Variants in SIL1 observed in about 807,000 individuals in gnomAD.
The protein encoded by SIL1 is nucleotide exchange factor SIL1.
A neutral mutation model predicts 49.1 loss-of-function variants in SIL1; 40 were observed. The ratio of observed to expected loss-of-function variants is 0.81; its 90% CI spans 0.63 to 1.06. SIL1 has a LOEUF of 1.06. Ranked by LOEUF, SIL1 falls within the 50% of genes least tolerant of loss-of-function variation. The pLI is 0.00. For missense variants in SIL1, 500 were observed against 572.6 expected, an observed-to-expected ratio of 0.87 and a Z score of 1.29; for synonymous variants, 253 against 250.8, an observed-to-expected ratio of 1.01 and a Z score of -0.08.
chr5:139,067,213 T>A (rs1406853689), intron 3 of SIL1, among the ~76,000 whole-genome samples: 2 of 152,218 alleles, frequency 1.3e-5, no homozygotes, highest in South Asian at 2.1e-4. Flanking sequence ...TTCTTATTTT[T>A]AAATGTATTT....
chr5:139,176,543 A>G (rs537166534), intron 1 of SIL1, among the ~76,000 whole-genome samples: 1 of 152,362 alleles, frequency 6.6e-6, no homozygotes, highest in South Asian at 2.1e-4. Context: ...TAATTTATAT[A>G]TAACAGAAAT....
intron 1 of SIL1, among the ~76,000 whole-genome samples, chr5:139,168,996 C>T (rs1454849557): frequency 6.6e-6 from 1 of 150,966 alleles, no homozygotes; most frequent in Non-Finnish European, 1.5e-5. Context: ...AAGGCAACTA[C>T]ATAAGCCTGT....
chr5:139,120,984 T>A, intron 3 of SIL1, 51 bp downstream of exon 3: 3 of 1,611,360 alleles, frequency 1.9e-6, no homozygotes, highest in Non-Finnish European at 2.5e-6. Context: ...AAAGGACATA[T>A]GCAGTTTGAA....
intron 3 of SIL1, among the ~76,000 whole-genome samples, chr5:139,102,498 AAAAGAGAG>A (rs1561862852): frequency 1.6e-5 from 1 of 63,448 alleles, no homozygotes; most frequent in Non-Finnish European, 4.3e-5. Flanking sequence ...AAAAAAAAAA[AAAAGAGAG>A]AGAGAGAGAG....
At chr5:139,067,083 A>G (rs1404249163) in intron 3 of SIL1, among the ~76,000 whole-genome samples, 1 of 152,228 alleles carries the variant, frequency 6.6e-6, no homozygotes, top group Non-Finnish European at 1.5e-5. Context: ...CATTGTGTAT[A>G]TGTTCTAAAA....
intron 7 of SIL1, among the ~76,000 whole-genome samples, chr5:138,972,220 G>A (rs138695733): frequency 2.6e-5 from 4 of 152,308 alleles, no homozygotes; most frequent in East Asian, 1.9e-4. Context: ...CCTGGGGCCC[G>A]CCGAAAGCAG....
At chr5:139,090,012 T>A (rs62381237) in intron 3 of SIL1, among the ~76,000 whole-genome samples, 2 of 152,070 alleles carry the variant, frequency 1.3e-5, no homozygotes, top group African/African-American at 4.8e-5. Context: ...CTAGACCTCT[T>A]CTGGGTAGCA....
At chr5:139,005,099 A>G (rs1768080304) in intron 7 of SIL1, among the ~76,000 whole-genome samples, 1 of 152,214 alleles carries the variant, frequency 6.6e-6, no homozygotes, top group South Asian at 2.1e-4. Flanking sequence ...AATACATTGC[A>G]TTCCTGAAAA....
chr5:139,194,535 G>C (rs1481967068), intron 1 of SIL1, among the ~76,000 whole-genome samples: 1 of 152,204 alleles, frequency 6.6e-6, no homozygotes, highest in Non-Finnish European at 1.5e-5. Context: ...TGCAGTTTAA[G>C]GCCGACTCAG....
chr5:139,138,963 G>C (rs1378240946), intron 1 of SIL1, among the ~76,000 whole-genome samples: 4 of 152,172 alleles, frequency 2.6e-5, no homozygotes, highest in African/African-American at 7.2e-5. Flanking sequence ...AGCGATGCTG[G>C]CTGGCTCTGC....
chr5:138,984,794 C>A (rs1020400505), intron 7 of SIL1, among the ~76,000 whole-genome samples: 2 of 152,148 alleles, frequency 1.3e-5, no homozygotes, highest in African/African-American at 2.4e-5. Flanking sequence ...CTCTTGAGGG[C>A]CCAAGCTAGG....
intron 7 of SIL1, among the ~76,000 whole-genome samples, chr5:138,995,173 G>A (rs1721912843): frequency 1.3e-5 from 2 of 151,990 alleles, no homozygotes; most frequent in South Asian, 4.1e-4. Flanking sequence ...TGGGATACAT[G>A]TGCTATTTAT....
At chr5:139,188,608 C>A (rs1752116310) in intron 1 of SIL1, among the ~76,000 whole-genome samples, 1 of 152,178 alleles carries the variant, frequency 6.6e-6, no homozygotes, top group Non-Finnish European at 1.5e-5. Flanking sequence ...TCAACTTGAG[C>A]ACAAAATCTG....
chr5:139,100,735 A>G (rs1770568925), intron 3 of SIL1, among the ~76,000 whole-genome samples: 1 of 152,150 alleles, frequency 6.6e-6, no homozygotes, highest in Non-Finnish European at 1.5e-5. Flanking sequence ...GTCTTAGAGA[A>G]AGAAAGGGGT....
chr5:139,120,276 G>T lies in SIL1; in HGVS notation c.244+759C>A, dbSNP rs1750597061. Reference sequence around the variant, plus strand: ...CTCCAGCCAAGGACAGCTAGGACTGGGAAGAAGTGGGAAGAGAGTAGGCCC... The same window carrying T: ...CTCCAGCCAAGGACAGCTAGGACTGTGAAGAAGTGGGAAGAGAGTAGGCCC... On this transcript the variant is annotated intron_variant, in intron 3 of 9. Transcript: ENST00000394817. 3.9e-5 allele frequency among the ~76,000 whole-genome samples: 6 copies of T among 152,336 alleles called. No homozygotes were observed. In the South Asian group the frequency reaches 1.2e-3, roughly 32 times the overall value.
At chr5:139,138,683 T>A (rs934561739) in intron 1 of SIL1, among the ~76,000 whole-genome samples, 1 of 152,212 alleles carries the variant, frequency 6.6e-6, no homozygotes, top group Non-Finnish European at 1.5e-5. Context: ...ACTGTCTATA[T>A]TAAATGAGAT....
intron 3 of SIL1, among the ~76,000 whole-genome samples, chr5:139,063,139 G>A (rs1482475066): frequency 2.0e-5 from 3 of 152,212 alleles, no homozygotes; most frequent in African/African-American, 7.2e-5. Flanking sequence ...AATAAACCCT[G>A]ACCCAGAGGA....
intron 3 of SIL1, among the ~76,000 whole-genome samples, chr5:139,073,369 A>G (rs1185335332): frequency 2.0e-5 from 3 of 152,232 alleles, no homozygotes; most frequent in African/African-American, 7.2e-5. Flanking sequence ...AAAATAAGGA[A>G]ATCCTGTCAT....
At chr5:139,031,237 G>T (rs977693431) in intron 5 of SIL1, among the ~76,000 whole-genome samples, 4 of 151,756 alleles carry the variant, frequency 2.6e-5, no homozygotes, top group African/African-American at 9.7e-5. Context: ...CATTCTAGAA[G>T]ATTTTTTTTT....
Sources: gnomAD v4.1 joint callset for allele counts (sites outside exome capture counted in the v4.1 genomes callset) on GRCh38, gnomAD v4.1.1 for gene constraint, MANE v1.5 for transcripts, NCBI Gene and HGNC (gene_info 2026-07-23, HGNC 2026-07-21) for gene names.